MAPT: variants seen among roughly 807,000 people sequenced by gnomAD.
MAPT encodes the protein microtubule associated protein tau.
Under a neutral mutation model 67.9 loss-of-function variants are expected in MAPT, and 34 were observed. The observed-to-expected ratio is 0.50, with a 90% CI of 0.38 to 0.67. MAPT has a LOEUF of 0.67. MAPT is among the 30% of genes least tolerant of loss of function. The pLI is 0.00. For synonymous variants in MAPT, 456 were observed against 464.5 expected (o/e 0.98, Z 0.23); for missense variants, 881 against 1,115.2 (o/e 0.79, Z 2.99).
rs542575721 is a variant in MAPT, at chr17:45,942,881, C to A, written c.-17-19440C>A. 3.3e-5 allele frequency among the ~76,000 whole-genome samples: 5 copies of A among 152,282 alleles called. No individual in the cohort carries two copies. In the East Asian group the frequency reaches 9.6e-4, roughly 29 times the overall value. ...GCTCTGGGAGGTTGAGTGACTTGCC[C>A]CAAAGTCGCACAGCTCCTAAGTGAA... On this transcript the variant is annotated intron_variant, in intron 1 of 12. Transcript: ENST00000262410.
intron 1 of MAPT, among the ~76,000 whole-genome samples, chr17:45,949,995 A>G (rs1270476287): frequency 1.3e-5 from 2 of 152,018 alleles, no homozygotes; most frequent in Non-Finnish European, 2.9e-5. Context: ...GTAAGCAGAG[A>G]TTTGTTTGGG....
intron 1 of MAPT, among the ~76,000 whole-genome samples, chr17:45,947,915 C>T (rs1225084997): frequency 2.6e-5 from 4 of 151,970 alleles, no homozygotes; most frequent in African/African-American, 7.3e-5. Context: ...ATGGAATAAG[C>T]GAAAAAAATG....
intron 1 of MAPT, among the ~76,000 whole-genome samples, chr17:45,953,204 T>C (rs2145150782): frequency 6.6e-6 from 1 of 152,360 alleles, no homozygotes; most frequent in African/African-American, 2.4e-5. Flanking sequence ...CTGTCGTTCT[T>C]GTGCTCAGTC....
intron 1 of MAPT, among the ~76,000 whole-genome samples, chr17:45,960,507 C>CA (rs1342265867): frequency 6.6e-6 from 1 of 152,258 alleles, no homozygotes; most frequent in East Asian, 1.9e-4. Context: ...CCATGATTGT[C>CA]AAAGTCTGGT....
At chr17:46,021,805 C>T (rs2076544907) in intron 12 of MAPT, among the ~76,000 whole-genome samples, 2 of 152,286 alleles carry the variant, frequency 1.3e-5, no homozygotes, top group African/African-American at 4.8e-5. Flanking sequence ...TGTGATAGCT[C>T]AGGAAGGGTA....
chr17:46,018,195 A>T (rs201410354), intron 11 of MAPT, among the ~76,000 whole-genome samples: 2 of 151,768 alleles, frequency 1.3e-5, no homozygotes, highest in East Asian at 3.9e-4. Flanking sequence ...CAACCAATGT[A>T]TATTTAGAGT....
chr17:45,974,642 C>A lies in MAPT; in HGVS notation c.220+2697C>A. 6.5e-6 allele frequency: 4 copies of A among 614,392 alleles called. No homozygotes were observed. The South Asian group carries it at 7.7e-5, about 12-fold the overall frequency. 38.1% of individuals were successfully genotyped at this position (614,392 alleles called of 1,614,324 possible). On this transcript the variant is annotated intron_variant, in intron 3 of 12. Transcript: ENST00000262410. ...TTGTGAGTAGCTCGATGCCTTGGTG[C>A]TCAGTTACCTCCCTGGCTGCCTGCC...
chr17:45,965,248 G>A (rs891413123), intron 2 of MAPT, among the ~76,000 whole-genome samples: 3 of 151,868 alleles, frequency 2.0e-5, no homozygotes, highest in African/African-American at 7.2e-5. Flanking sequence ...TGGCCAACAT[G>A]GTGAAACCTC....
At chr17:45,970,660 G>A (rs73314989) in intron 2 of MAPT, among the ~76,000 whole-genome samples, 4,059 of 152,312 alleles carry the variant, frequency 0.027, 187 homozygotes, top group African/African-American at 0.092. Context: ...GTCATCTCAC[G>A]CATTTTACAG....
chr17:45,971,823 G>A lies in MAPT; in HGVS notation c.134-36G>A, dbSNP rs374352592. The A allele has an allele frequency of 7.0e-5, 102 of 1,458,130 alleles. No homozygotes were observed. Among genetic ancestry groups the A allele is most frequent in the East Asian group, 6.1e-4 (27 of 44,170 alleles). The allele number at this position is 1,458,130 out of a possible 1,614,324, so 90.3% of individuals were successfully genotyped here. Reference sequence around the variant, plus strand: ...AGAACAAAAGGGGGCGCTGGGGAGAGGCCACCGTTCTGAGGGCTCACTGTA... The same window carrying A: ...AGAACAAAAGGGGGCGCTGGGGAGAAGCCACCGTTCTGAGGGCTCACTGTA... On this transcript the variant is annotated intron_variant, in intron 2 of 12. Transcript: ENST00000262410. The surrounding 1 kb of genome is among the most constrained non-coding windows in gnomAD (Gnocchi z 4.3).
Position 45,941,689 on chromosome 17 carries a change from T to C in MAPT, c.-17-20632T>C, listed in dbSNP as rs1249480171. On this transcript the variant is annotated intron_variant, in intron 1 of 12. Transcript: ENST00000262410. ...CCCCTTCCCCCCTTCCCTCCTTCCT[T>C]CCTTCCTTCCTGCCTGCCTTCCTTC... Among the ~76,000 whole-genome samples, 31 of 59,736 alleles carry C rather than the reference T, an allele frequency of 5.2e-4. 1 individual carries two copies. The East Asian group carries it at 9.3e-3, about 18-fold the overall frequency. 39.2% of individuals were successfully genotyped at this position (59,736 alleles called of 152,430 possible). A position where few individuals can be genotyped will look rare whatever the true frequency, so the allele number is the denominator to read the frequency against.
chr17:45,972,178 A>G (rs2071761832), intron 3 of MAPT: 1 of 679,964 alleles, frequency 1.5e-6, no homozygotes, highest in African/African-American at 1.8e-5. Flanking sequence ...ACCCTTGGAC[A>G]GTCCCGCGCA....
chr17:45,907,492 C>G (rs1360733589), intron 1 of MAPT, among the ~76,000 whole-genome samples: 2 of 152,188 alleles, frequency 1.3e-5, no homozygotes, highest in African/African-American at 4.8e-5. Flanking sequence ...TGTGACTTTC[C>G]TTCTCCAGTC....
intron 1 of MAPT, chr17:45,895,617 G>T (rs2063138452): frequency 6.6e-6 from 1 of 152,378 alleles, no homozygotes; most frequent in African/African-American, 2.4e-5. Context: ...CGGAGCGCAG[G>T]GCGCCCGGCG....
At chr17:45,964,196 G>GTT (rs373491850) in intron 2 of MAPT, among the ~76,000 whole-genome samples, 1 of 150,626 alleles carries the variant, frequency 6.6e-6, no homozygotes, top group Non-Finnish European at 1.5e-5. Context: ...CCTTTGTTTT[G>GTT]TTTTTTTTTG....
At chr17:45,990,247 C>G in intron 7 of MAPT, among the ~76,000 whole-genome samples, 172 bp downstream of exon 7, 1 of 152,170 alleles carries the variant, frequency 6.6e-6, no homozygotes, top group Non-Finnish European at 1.5e-5. Flanking sequence ...AGCTGGGGGC[C>G]ATCCCTCTCA....
Position 45,932,979 on chromosome 17 carries a change from G to A in MAPT, c.-17-29342G>A, listed in dbSNP as rs569384928. ...CGCCTGTAATCCCAGCTACTGGGGA[G>A]GGTGAGGCAGGAGAATCTCTTGAAC... On this transcript the variant is annotated intron_variant, in intron 1 of 12. Coordinates refer to ENST00000262410, the MANE Select transcript of MAPT (RefSeq NM_001377265.1). 5.9e-5 allele frequency among the ~76,000 whole-genome samples: 9 copies of A among 152,284 alleles called. No homozygotes were observed. The South Asian group carries it at 1.7e-3, about 28-fold the overall frequency.
rs1568132315 is a variant in MAPT, at chr17:45,903,859, A to ATATTTATATATTATATAT, written c.-18+9176_-18+9177insTTATATATTATATATTAT. Among the ~76,000 whole-genome samples the ATATTTATATATTATATAT allele has an allele frequency of 4.0e-4, 21 of 52,950 alleles. No homozygotes were observed. In the East Asian group the frequency reaches 6.7e-3, roughly 17 times the overall value. The allele number at this position is 52,950 out of a possible 152,430, so 34.7% of individuals were successfully genotyped here. A position where few individuals can be genotyped will look rare whatever the true frequency, so the allele number is the denominator to read the frequency against. ...ATATATTTTATATATTATATATTAT[A>ATATTTATATATTATATAT]TATATTATATATTATATATTTATAT... On this transcript the variant is annotated intron_variant, in intron 1 of 12. Coordinates refer to ENST00000262410, the MANE Select transcript of MAPT (RefSeq NM_001377265.1).
intron 9 of MAPT, among the ~76,000 whole-genome samples, chr17:46,008,821 C>G (rs954486088): frequency 6.6e-5 from 10 of 152,318 alleles, no homozygotes; most frequent in African/African-American, 2.4e-4. Context: ...GTGCCATTTT[C>G]AAGATTTCGG....
Sources: gnomAD v4.1 joint callset for allele counts (sites outside exome capture counted in the v4.1 genomes callset) on GRCh38, gnomAD v4.1.1 for gene constraint, Gnocchi (gnomAD v3.1) non-coding constraint, MANE v1.5 for transcripts, NCBI Gene and HGNC (gene_info 2026-07-23, HGNC 2026-07-21) for gene names.